HDAC9: variants seen among roughly 807,000 people sequenced by gnomAD.
HDAC9 encodes the protein MEF-2 interacting transcription repressor (MITR) protein.
Under a neutral mutation model 139.4 loss-of-function variants are expected in HDAC9, and 41 were observed. The observed-to-expected ratio is 0.29, with a 90% CI of 0.23 to 0.38. The LOEUF is 0.38. HDAC9 is among the 10% of genes least tolerant of loss of function. The pLI is 1.00. For missense variants in HDAC9, 1,147 were observed against 1,297.0 expected, an observed-to-expected ratio of 0.88 and a Z score of 1.78; for synonymous variants, 517 against 476.2, an observed-to-expected ratio of 1.09 and a Z score of -1.12.
At chr7:18,121,659 T>G (rs1232880917) in intron 1 of HDAC9, among the ~76,000 whole-genome samples, 1 of 152,302 alleles carries the variant, frequency 6.6e-6, no homozygotes, top group South Asian at 2.1e-4. Flanking sequence ...GTGCTCAGTG[T>G]GGCAGTCAAG....
At chr7:18,435,732 T>C (rs1477584393) in intron 1 of HDAC9, among the ~76,000 whole-genome samples, 1 of 151,642 alleles carries the variant, frequency 6.6e-6, no homozygotes, top group Non-Finnish European at 1.5e-5. Flanking sequence ...AGCTCATTCA[T>C]ACAGACTTCT....
At chr7:18,800,889 G>A (rs926276444) in intron 17 of HDAC9, among the ~76,000 whole-genome samples, 3 of 151,904 alleles carry the variant, frequency 2.0e-5, no homozygotes, top group Non-Finnish European at 4.4e-5. Flanking sequence ...TATATATGTA[G>A]GTAATTTGTG....
At chr7:18,412,604 TGCTG>T (rs1374572958) in intron 1 of HDAC9, among the ~76,000 whole-genome samples, 7 of 152,210 alleles carry the variant, frequency 4.6e-5, no homozygotes, top group African/African-American at 1.7e-4. Flanking sequence ...TGAAGTAACT[TGCTG>T]GCCGTTGCAT....
At chr7:18,143,108 G>A (rs1211317959) in intron 1 of HDAC9, among the ~76,000 whole-genome samples, 1 of 152,134 alleles carries the variant, frequency 6.6e-6, no homozygotes, top group Non-Finnish European at 1.5e-5. Context: ...ACCTAAATGT[G>A]ACACTAGGGC....
At chr7:18,498,060 G>A (rs1336493378) in intron 2 of HDAC9, among the ~76,000 whole-genome samples, 1 of 152,106 alleles carries the variant, frequency 6.6e-6, no homozygotes, top group African/African-American at 2.4e-5. Context: ...AGTTCTACAA[G>A]AAGCAACATT....
intron 12 of HDAC9, among the ~76,000 whole-genome samples, chr7:18,680,852 C>T (rs1007762086): frequency 6.6e-6 from 1 of 151,990 alleles, no homozygotes; most frequent in African/African-American, 2.4e-5. Context: ...GCTGAAGATA[C>T]AAACCACTGA....
At chr7:18,434,661 T>C (rs945017922) in intron 1 of HDAC9, among the ~76,000 whole-genome samples, 2 of 151,954 alleles carry the variant, frequency 1.3e-5, no homozygotes, top group Non-Finnish European at 2.9e-5. Flanking sequence ...CACTAATCAT[T>C]AGAGAAATGA....
intron 1 of HDAC9, among the ~76,000 whole-genome samples, chr7:18,302,441 C>T (rs896201950): frequency 3.3e-5 from 5 of 152,066 alleles, no homozygotes; most frequent in Admixed American, 1.3e-4. Context: ...CAAAGAAGGG[C>T]GTTAGTCTTG....
intron 1 of HDAC9, among the ~76,000 whole-genome samples, chr7:18,394,357 G>A (rs538235419): frequency 1.3e-5 from 2 of 152,258 alleles, no homozygotes; most frequent in South Asian, 4.1e-4. Flanking sequence ...AGGGAGCATC[G>A]TCTAGAATCC....
chr7:18,238,523 TTAATCA>T (rs1177105990), intron 2 of HDAC9, among the ~76,000 whole-genome samples: 5 of 152,194 alleles, frequency 3.3e-5, no homozygotes, highest in Non-Finnish European at 7.3e-5. Context: ...CATGCCTTCA[TTAATCA>T]GAGAAAGATA....
At chr7:18,189,702 C>T (rs181859598) in intron 2 of HDAC9, among the ~76,000 whole-genome samples, 20 of 152,234 alleles carry the variant, frequency 1.3e-4, no homozygotes, top group Non-Finnish European at 2.4e-4. Flanking sequence ...CCAGTGTCAT[C>T]TGATGTGATG....
At chr7:18,757,516 C>A (rs1469582365) in intron 14 of HDAC9, among the ~76,000 whole-genome samples, 1 of 152,136 alleles carries the variant, frequency 6.6e-6, no homozygotes, top group Non-Finnish European at 1.5e-5. Context: ...TAAATTATTT[C>A]TAGTTCCCTA....
chr7:18,626,443 G>T (rs896202386), intron 6 of HDAC9, among the ~76,000 whole-genome samples: 4 of 152,176 alleles, frequency 2.6e-5, no homozygotes, highest in Admixed American at 2.6e-4. Context: ...ATCTGTTGGG[G>T]GGAAAATGAA....
intron 7 of HDAC9, 129 bp downstream of exon 7, chr7:18,629,610 T>G (rs752365770): frequency 7.7e-6 from 7 of 912,640 alleles, no homozygotes; most frequent in Non-Finnish European, 1.1e-5. Context: ...GGAAATTATA[T>G]TGAAAACTCA....
chr7:18,488,816 C>T (rs900376080), intron 1 of HDAC9, among the ~76,000 whole-genome samples: 1 of 151,948 alleles, frequency 6.6e-6, no homozygotes, highest in Non-Finnish European at 1.5e-5. Context: ...TAATGATGGT[C>T]ACATTGAGAT....
chr7:18,941,731 C>CTT (rs1290549974), intron 23 of HDAC9, among the ~76,000 whole-genome samples: 1 of 152,050 alleles, frequency 6.6e-6, no homozygotes, highest in African/African-American at 2.4e-5. Context: ...TCTCCATACT[C>CTT]TGAAAGAGAA....
chr7:18,192,771 T>C (rs1036856332), intron 2 of HDAC9, among the ~76,000 whole-genome samples: 1 of 152,232 alleles, frequency 6.6e-6, no homozygotes, highest in Non-Finnish European at 1.5e-5. Flanking sequence ...CATGCCAGAA[T>C]GCACACACGT....
At chr7:18,104,684 C>A (rs958491855) in intron 1 of HDAC9, among the ~76,000 whole-genome samples, 2 of 152,070 alleles carry the variant, frequency 1.3e-5, no homozygotes, top group African/African-American at 4.8e-5. Context: ...CAGTTTCCTC[C>A]TCTGCCTCTG....
chr7:18,235,617 T>C (rs1418869188), intron 2 of HDAC9, among the ~76,000 whole-genome samples: 1 of 152,260 alleles, frequency 6.6e-6, no homozygotes, highest in African/African-American at 2.4e-5. Context: ...TTGGAAGTTA[T>C]TTGCATCATA....
Sources: gnomAD v4.1 joint callset for allele counts (sites outside exome capture counted in the v4.1 genomes callset) on GRCh38, gnomAD v4.1.1 for gene constraint, MANE v1.5 for transcripts, NCBI Gene and HGNC (gene_info 2026-07-23, HGNC 2026-07-21) for gene names.